Variants in PRSS36 observed in about 807,000 individuals in gnomAD.
PRSS36 encodes polyserase-2.
Under a neutral mutation model 94.3 loss-of-function variants are expected in PRSS36, and 90 were observed. The ratio of observed to expected loss-of-function variants is 0.95; its 90% CI spans 0.80 to 1.14. The LOEUF (loss-of-function observed/expected upper bound fraction) is 1.14. Among genes scored for constraint, PRSS36 ranks in the 50% most tolerant of loss-of-function variants. The pLI, the probability that PRSS36 is intolerant of heterozygous loss-of-function variation, is 0.00. For synonymous variants in PRSS36, 500 were observed against 489.6 expected, an observed-to-expected ratio of 1.02 and a Z score of -0.28; for missense variants, 1,158 against 1,135.0, an observed-to-expected ratio of 1.02 and a Z score of -0.29.
intron 5 of PRSS36, 145 bp from the exon 6 acceptor site, chr16:31,146,100 C>T: frequency 1.4e-6 from 1 of 693,514 alleles, no homozygotes; most frequent in South Asian, 2.0e-5. Context: ...ACCACATCTC[C>T]TCCTGCTTCT....
intron 4 of PRSS36, 90 bp from the exon 5 acceptor site, chr16:31,148,765 A>G (rs917435641): frequency 9.1e-6 from 14 of 1,536,710 alleles, no homozygotes; most frequent in Non-Finnish European, 5.3e-6. Flanking sequence ...CCAGAGGGGC[A>G]GGTGCTATCC....
chr16:31,142,243 G>A (rs1194345569), intron 10 of PRSS36, among the ~76,000 whole-genome samples: 1 of 151,808 alleles, frequency 6.6e-6, no homozygotes, highest in Non-Finnish European at 1.5e-5. Flanking sequence ...GCTCGTTCTG[G>A]CCCCGCTTCC....
intron 12 of PRSS36, 113 bp from the exon 13 acceptor site, chr16:31,140,870 C>T: frequency 8.6e-7 from 1 of 1,161,802 alleles, no homozygotes; most frequent in African/African-American, 1.5e-5. Flanking sequence ...CCTTCATCAT[C>T]CCTCCTTCCA....
Position 31,142,994 on chromosome 16 carries a change from C to A in PRSS36, c.1101-1G>T. The A allele has an allele frequency of 7.2e-7, 1 of 1,388,242 alleles. No individual in the cohort carries two copies. The highest frequency in any genetic ancestry group is 1.6e-5 in the South Asian group (1 of 62,410). The allele number at this position is 1,388,242 out of a possible 1,614,324, so 86.0% of individuals were successfully genotyped here. A position where few individuals can be genotyped will look rare whatever the true frequency, so the allele number is the denominator to read the frequency against. On this transcript the variant is annotated splice_acceptor_variant, in intron 8 of 14. Coordinates refer to ENST00000268281, the MANE Select transcript of PRSS36 (RefSeq NM_173502.5). LOFTEE classifies it high-confidence loss of function. ...GGGTGGGCTGTCGGAGCTGTTCGGG[C>A]TGCGGGATGGGGGCCGAGGGACGTG...
intron 4 of PRSS36, 55 bp downstream of exon 4, chr16:31,149,017 CG>C: frequency 1.4e-6 from 2 of 1,435,390 alleles, no homozygotes; most frequent in Non-Finnish European, 1.8e-6. Flanking sequence ...GGACCAACTG[CG>C]GGGGCGGGGG....
At chr16:31,144,251 T>A (rs2057763098) in intron 6 of PRSS36, among the ~76,000 whole-genome samples, 1 of 152,088 alleles carries the variant, frequency 6.6e-6, no homozygotes, top group Non-Finnish European at 1.5e-5. Context: ...CTCAGCCCAC[T>A]GCAACCTCTG....
At position 31,142,105 on chromosome 16, in the gene PRSS36, T is replaced by C. The variant is rs2057704482; in HGVS notation, c.1522-145A>G. 6 of 715,598 alleles carry C rather than the reference T, an allele frequency of 8.4e-6. No homozygotes were observed. The Admixed American group carries it at 1.2e-4, about 15-fold the overall frequency. 44.3% of individuals were successfully genotyped at this position (715,598 alleles called of 1,614,324 possible). A position where few individuals can be genotyped will look rare whatever the true frequency, so the allele number is the denominator to read the frequency against. On this transcript the variant is annotated intron_variant, in intron 10 of 14. Coordinates refer to ENST00000268281, the MANE Select transcript of PRSS36 (RefSeq NM_173502.5). ...TCCAAATCAGACTCCAAATACTAAT[T>C]TGTGTAAGAATTCAGCCCTCACTTT...
Position 31,140,543 on chromosome 16 carries a change from G to C in PRSS36, c.2116C>G (p.Pro706Ala). 6.3e-7 allele frequency: 1 copy of C among 1,581,986 alleles called. No homozygotes were observed. Among genetic ancestry groups the C allele is most frequent in the Non-Finnish European group, 8.6e-7 (1 of 1,163,520 alleles). ...LPICLHPAGI[P>A]PGASCWVLGW... ...AACACCCAGCAGCTGGCCCCCGGGG[G>C]GATACCCGCCGGGTGGAGACAGATG... Residue 706 changes from proline (P) to alanine (A), a missense_variant, in exon 13 of 15, where the codon CCC (proline) becomes GCC (alanine). Pro to Ala is a conservative substitution (Grantham distance 27). Transcript: ENST00000268281.
chr16:31,143,122 A>G (rs1567448180), intron 8 of PRSS36, 129 bp from the exon 9 acceptor site: 14 of 1,321,146 alleles, frequency 1.1e-5, no homozygotes, highest in Non-Finnish European at 1.4e-5. Flanking sequence ...CCCCATTCCA[A>G]CAGCTCACTC....
At chr16:31,147,571 T>TC (rs1174777867) in intron 5 of PRSS36, among the ~76,000 whole-genome samples, 3 of 152,070 alleles carry the variant, frequency 2.0e-5, no homozygotes, top group East Asian at 3.8e-4. Context: ...TTTGGTCTAT[T>TC]CCCCCCCACC....
Position 31,143,801 on chromosome 16 carries a change from C to T in PRSS36, c.757G>A (p.Gly253Ser), listed in dbSNP as rs147050263. Reference sequence around the variant, plus strand: ...GTGATTCCTGCCTGGAACCAGCGGCCGCCTTCCTCACAGACCAGGGGCCCC... The same window carrying T: ...GTGATTCCTGCCTGGAACCAGCGGCTGCCTTCCTCACAGACCAGGGGCCCC... The part of the protein sequence containing the change: ...SGGPLVCEEG[G>S]RWFQAGITSF... The change falls in exon 7 of 15, where the codon GGC becomes AGC. Residue 253 changes from glycine (G) to serine (S), a missense_variant. Gly to Ser is a moderately conservative substitution (Grantham distance 56, BLOSUM62 0). Coordinates refer to ENST00000268281, the MANE Select transcript of PRSS36 (RefSeq NM_173502.5). 53 of 1,613,912 alleles carry T rather than the reference C, an allele frequency of 3.3e-5. No homozygotes were observed. The Admixed American group carries it at 5.5e-4, about 17-fold the overall frequency.
Position 31,149,981 on chromosome 16 carries a change from C to T in PRSS36, c.37+18G>A. 2 of 1,613,688 alleles carry T rather than the reference C, an allele frequency of 1.2e-6. No homozygotes were observed. The highest frequency in any genetic ancestry group is 1.7e-6 in the Non-Finnish European group (2 of 1,179,798). ...AGGACCCAGGCCCTTTGCAGCCACT[C>T]TTGTCCCCTGAGGTTACCAAGCATC... On this transcript the variant is annotated intron_variant, in intron 1 of 14. Coordinates refer to ENST00000268281, the MANE Select transcript of PRSS36 (RefSeq NM_173502.5).
rs906855305 is a variant in PRSS36, at chr16:31,146,035, G to T, written c.554-80C>A. ...CCCAGGGTTCAGGTTTGCCTCCTGC[G>T]GCTGCTTCTTGGACATCAGCTAGAT... On this transcript the variant is annotated intron_variant, in intron 5 of 14. Transcript: ENST00000268281. 9.2e-6 allele frequency: 13 copies of T among 1,406,874 alleles called. No individual in the cohort carries two copies. In the South Asian group the frequency reaches 1.1e-4, roughly 12 times the overall value. The allele number at this position is 1,406,874 out of a possible 1,614,324, so 87.1% of individuals were successfully genotyped here.
At chr16:31,146,105 G>C (rs2057796563) in intron 5 of PRSS36, 150 bp from the exon 6 acceptor site, 1 of 683,166 alleles carries the variant, frequency 1.5e-6, no homozygotes, top group Admixed American at 3.0e-5. Flanking sequence ...ATCTCCTCCT[G>C]CTTCTATCTG....
Position 31,141,799 on chromosome 16 carries a change from G to A in PRSS36, c.1683C>T (p.Asp561=), listed in dbSNP as rs1473187788. ...CAGGGCCCCAATCCCAGGCTAGCTG[G>A]TCCTCCAGGTAGGCTCCCCGAGTCA... ...SHVTRGAYLE[D]QLAWDWGPDG... Residue 561 remains aspartate, a synonymous_variant, in exon 11 of 15, where the codon GAC becomes GAT. Coordinates refer to ENST00000268281, the MANE Select transcript of PRSS36 (RefSeq NM_173502.5). 1.2e-6 allele frequency: 2 copies of A among 1,614,176 alleles called. No homozygotes were observed. Among genetic ancestry groups the A allele is most frequent in the East Asian group, 4.5e-5 (2 of 44,890 alleles).
At chr16:31,141,375 T>TCAAA (rs1567444583) in intron 12 of PRSS36, 94 bp downstream of exon 12, 25 of 795,208 alleles carry the variant, frequency 3.1e-5, no homozygotes, top group Non-Finnish European at 4.4e-5. Context: ...TTAATTTTTT[T>TCAAA]TAAACAAACA....
rs750415349 is a variant in PRSS36 at position 31,140,714 on chromosome 16, G to A, written c.1945C>T (p.Arg649Trp). ...TVPYIEVYLG[R>W]AGASSLPQGH... ...TGTGGGAGGGAGCTGGCCCCTGCCC[G>A]GCCCAGATACACTTCAATGTAAGGC... Residue 649 changes from arginine to tryptophan, a missense_variant, in exon 13 of 15, where the codon CGG becomes TGG. By Grantham distance (101) the Arg-to-Trp change is moderately radical (BLOSUM62 -3). Transcript: ENST00000268281. The A allele has an allele frequency of 1.9e-6, 3 of 1,613,940 alleles. No homozygotes were observed. Among genetic ancestry groups the A allele is most frequent in the African/African-American group, 1.3e-5 (1 of 74,904 alleles).
chr16:31,141,305 G>A (rs1473265887), intron 12 of PRSS36, among the ~76,000 whole-genome samples, 164 bp downstream of exon 12: 2 of 152,140 alleles, frequency 1.3e-5, no homozygotes, highest in Non-Finnish European at 2.9e-5. Context: ...ATCTTAGTAC[G>A]TTGGCCAAGG....
chr16:31,148,874 A>G (rs1344203498), intron 4 of PRSS36, among the ~76,000 whole-genome samples, 199 bp from the exon 5 acceptor site: 6 of 152,066 alleles, frequency 3.9e-5, no homozygotes, highest in Non-Finnish European at 8.8e-5. Context: ...TCAGACCCGG[A>G]TATTGAGTGG....
Sources: allele counts gnomAD v4.1 joint callset (sites outside exome capture counted in the v4.1 genomes callset), GRCh38; gene constraint gnomAD v4.1.1; transcripts MANE v1.5; gene names NCBI Gene and HGNC (gene_info 2026-07-23, HGNC 2026-07-21).